CORO7: variants seen among roughly 807,000 people sequenced by gnomAD.
CORO7 encodes the protein coronin 7.
In CORO7, 107 loss-of-function variants were observed where a neutral mutation model predicts 126.6. The observed-to-expected ratio is 0.85, with a 90% confidence interval of 0.72 to 0.99. The LOEUF is 0.99. Ranked by LOEUF, CORO7 falls within the 50% of genes least tolerant of loss-of-function variation. The probability of loss-of-function intolerance (pLI) is 0.00; values close to 1 mark genes in which losing one functional copy is unlikely to be tolerated. For synonymous variants in CORO7, 603 were observed against 536.8 expected, an observed-to-expected ratio of 1.12 and a Z score of -1.70; for missense variants, 1,314 against 1,255.8, an observed-to-expected ratio of 1.05 and a Z score of -0.70.
chr16:4,381,745 C>T (rs757814258), intron 9 of CORO7: 4 of 1,604,192 alleles, frequency 2.5e-6, no homozygotes, highest in South Asian at 1.1e-5. Context: ...CTTCCCCCGC[C>T]TGCGGCTGCT....
In CORO7 at chr16:4,405,485, G is replaced by T; in HGVS notation, c.564+6C>A. 1 of 1,611,384 alleles carries T rather than the reference G, an allele frequency of 6.2e-7. No individual in the cohort carries two copies. ...CCCCACAGGGCATCCCCACCTGCCT[G>T]CTCACCTTGCACGCCGTGCCCACCA... On this transcript the variant is annotated splice_donor_region_variant and intron_variant, in intron 6 of 27. Coordinates refer to ENST00000251166, the MANE Select transcript of CORO7 (RefSeq NM_024535.5).
intron 6 of CORO7, among the ~76,000 whole-genome samples, chr16:4,396,653 T>C (rs1341358282): frequency 1.3e-5 from 2 of 152,174 alleles, no homozygotes; most frequent in East Asian, 3.8e-4. Context: ...ACAGGTCTAT[T>C]TTGTTTCATT....
chr16:4,356,173 G>A (rs756231110), intron 26 of CORO7, among the ~76,000 whole-genome samples: 3 of 151,194 alleles, frequency 2.0e-5, no homozygotes, highest in Non-Finnish European at 3.0e-5. Flanking sequence ...GGCTGGTGTC[G>A]AACTCCCAAC....
chr16:4,410,642 C>T (rs2056169687), intron 3 of CORO7, among the ~76,000 whole-genome samples: 1 of 152,316 alleles, frequency 6.6e-6, no homozygotes, highest in South Asian at 2.1e-4. Flanking sequence ...CAACATGCTA[C>T]GTGAAAGATG....
chr16:4,355,230 T>C (rs2053936501), intron 27 of CORO7, 56 bp downstream of exon 27: 1 of 1,605,148 alleles, frequency 6.2e-7, no homozygotes. Flanking sequence ...GCATGCACCG[T>C]GGCATGTGCG....
intron 1 of CORO7, chr16:4,415,920 G>A (rs993641948): frequency 3.0e-6 from 3 of 985,452 alleles, no homozygotes; most frequent in Non-Finnish European, 3.6e-6. Flanking sequence ...CCAGCGGCGA[G>A]AGGAGGAAGC....
At chr16:4,382,440 G>T (rs143979438) in intron 9 of CORO7, 1 of 1,610,212 alleles carries the variant, frequency 6.2e-7, no homozygotes, top group African/African-American at 1.3e-5. Flanking sequence ...CTGAGTACAC[G>T]GTCACCCAGC....
intron 3 of CORO7, among the ~76,000 whole-genome samples, chr16:4,411,547 T>A (rs927965424): frequency 5.3e-5 from 8 of 152,138 alleles, no homozygotes; most frequent in East Asian, 1.9e-4. Flanking sequence ...ATATACTTTT[T>A]AAAAATTTTT....
At chr16:4,396,430 A>G (rs2055595344) in intron 6 of CORO7, among the ~76,000 whole-genome samples, 1 of 152,242 alleles carries the variant, frequency 6.6e-6, no homozygotes, top group Non-Finnish European at 1.5e-5. Context: ...GCATAGTGTG[A>G]TTCTACTGTG....
At position 4,377,821 on chromosome 16, in the gene CORO7, C is replaced by T. The variant is rs550394177; in HGVS notation, c.785+10165G>A. On this transcript the variant is annotated intron_variant, in intron 9 of 27. Transcript: ENST00000251166. ...TTGGGGCTCAGGCAAAAGAGCTCAC[C>T]GCACATTTTACGGGGCTGGGAAGCA... is the stretch of plus-strand genomic sequence containing the variant. Among the ~76,000 whole-genome samples, 8 of 152,292 alleles carry T rather than the reference C, an allele frequency of 5.3e-5. No homozygotes were observed. The South Asian group carries it at 6.2e-4, about 12-fold the overall frequency.
At chr16:4,370,222 AAG>A (rs1185509848) in intron 9 of CORO7, among the ~76,000 whole-genome samples, 1 of 152,176 alleles carries the variant, frequency 6.6e-6, no homozygotes, top group Admixed American at 6.5e-5. Flanking sequence ...GGGCCAAGGG[AAG>A]AGGCAGGGAA....
chr16:4,362,927 C>T lies in CORO7; in HGVS notation c.1276-189G>A, dbSNP rs1459121654. ...GACACACAGGGAAGCAGCCGAGCTT[C>T]AGACCGCGGGGACAGCAAGTGGCAG... On this transcript the variant is annotated intron_variant, in intron 14 of 27. Coordinates refer to ENST00000251166, the MANE Select transcript of CORO7 (RefSeq NM_024535.5). The surrounding 1 kb of genome is among the most constrained non-coding windows in gnomAD (Gnocchi z 5.3). 3 of 619,646 alleles carry T rather than the reference C, an allele frequency of 4.8e-6. No individual in the cohort carries two copies. In the African/African-American group the frequency reaches 5.7e-5, roughly 12 times the overall value. 38.4% of individuals were successfully genotyped at this position (619,646 alleles called of 1,614,324 possible).
chr16:4,392,794 G>T (rs550935793), intron 7 of CORO7, among the ~76,000 whole-genome samples: 1 of 152,238 alleles, frequency 6.6e-6, no homozygotes, highest in Non-Finnish European at 1.5e-5. Context: ...GGGCGGAAGT[G>T]GGGGGCAGGG....
At chr16:4,413,771 C>A (rs1407774934) in intron 1 of CORO7, among the ~76,000 whole-genome samples, 1 of 151,646 alleles carries the variant, frequency 6.6e-6, no homozygotes, top group East Asian at 2.0e-4. Flanking sequence ...CTCCTGGCCT[C>A]AAGTGATCTG....
chr16:4,360,637 G>A (rs1233972600), intron 19 of CORO7, 89 bp from the exon 20 acceptor site: 115 of 1,439,670 alleles, frequency 8.0e-5, no homozygotes, highest in Middle Eastern at 7.2e-4. Flanking sequence ...CACTGCTGGC[G>A]CCGCCCCTCC....
At chr16:4,406,061 G>A (rs1034204542) in intron 5 of CORO7, among the ~76,000 whole-genome samples, 5 of 152,188 alleles carry the variant, frequency 3.3e-5, no homozygotes, top group African/African-American at 9.7e-5. Flanking sequence ...GTGCAGTGGT[G>A]CAATCTCAGC....
chr16:4,398,164 T>C (rs1596326515), intron 6 of CORO7, among the ~76,000 whole-genome samples: 1 of 141,052 alleles, frequency 7.1e-6, no homozygotes, highest in East Asian at 2.2e-4. Context: ...GAGTAATCCT[T>C]CTGCCTCAGC....
rs746505053 is a variant in CORO7, at chr16:4,408,242, G to C, written c.242C>G (p.Thr81Ser). The C allele has an allele frequency of 1.1e-5, 17 of 1,614,120 alleles. No individual in the cohort carries two copies. Among genetic ancestry groups the C allele is most frequent in the Non-Finnish European group, 1.4e-5 (16 of 1,180,048 alleles). Residue 81 changes from threonine (T) to serine (S), a missense_variant, in exon 4 of 28, where the codon ACC becomes AGC. By Grantham distance (58) the Thr-to-Ser change is moderately conservative. Transcript: ENST00000251166. ...ATCAAAGGGCGAGAAGTCCAAGTCG[G>C]TGACTAGGTCTGTGGGAGAGGAATG... ...AHLGCHSDLV[T>S]DLDFSPFDDF...
rs536014403 is a variant in CORO7 at position 4,400,111 on chromosome 16, C to G, written c.565-4772G>C. ...GATGTTAAGAGCAGTGAAACTACTC[C>G]GTATAGTGGTTACATTATGTCATGC... On this transcript the variant is annotated intron_variant, in intron 6 of 27. Coordinates refer to ENST00000251166, the MANE Select transcript of CORO7 (RefSeq NM_024535.5). Among the ~76,000 whole-genome samples the G allele has an allele frequency of 8.4e-4, 128 of 152,180 alleles. 1 individual carries two copies. The highest frequency in any genetic ancestry group is 3.0e-3 in the African/African-American group (125 of 41,500).
Sources: allele counts gnomAD v4.1 joint callset (sites outside exome capture counted in the v4.1 genomes callset), GRCh38; gene constraint gnomAD v4.1.1; non-coding constraint Gnocchi (gnomAD v3.1); transcripts MANE v1.5; gene names NCBI Gene and HGNC (gene_info 2026-07-23, HGNC 2026-07-21).